The following TRIM55 variants were observed in gnomAD, a reference collection of about 807,000 sequenced individuals.
TRIM55 encodes the protein tripartite motif containing 55.
TRIM55 carries 50 observed loss-of-function variants against 60.9 expected under a neutral mutation model. The ratio of observed to expected loss-of-function variants is 0.82; its 90% CI spans 0.65 to 1.04. The LOEUF is 1.04. TRIM55 is among the 50% of genes least tolerant of loss of function. The pLI is 0.00. For synonymous variants in TRIM55, 237 were observed against 238.1 expected (o/e 1.00, Z 0.04); for missense variants, 681 against 666.9 (o/e 1.02, Z -0.23).
At chr8:66,121,844 A>AT in the TRIM55 span, among the ~76,000 whole-genome samples, 1 of 151,952 alleles carries the variant, frequency 6.6e-6, no homozygotes, top group African/African-American at 2.4e-5. Flanking sequence ...ATTTGTCTAA[A>AT]TTTTTTCTTT....
At chr8:66,117,124 T>C in the TRIM55 span, among the ~76,000 whole-genome samples, 1 of 152,154 alleles carries the variant, frequency 6.6e-6, no homozygotes, top group South Asian at 2.1e-4. Context: ...GTCAGCAAAT[T>C]TGGAGGGGAA....
intron 9 of TRIM55, 77 bp downstream of exon 9, chr8:66,154,411 A>G (rs1810626960): frequency 6.7e-7 from 1 of 1,494,638 alleles, no homozygotes; most frequent in Non-Finnish European, 9.0e-7. Flanking sequence ...AGCAAGAAGA[A>G]AAAGGGTTTT....
intron 9 of TRIM55, among the ~76,000 whole-genome samples, chr8:66,157,861 A>G (rs1460385311): frequency 6.6e-6 from 1 of 152,178 alleles, no homozygotes; most frequent in Non-Finnish European, 1.5e-5. Context: ...ACAGGCAAAA[A>G]AAACCGGTCA....
intron 9 of TRIM55, among the ~76,000 whole-genome samples, chr8:66,165,024 G>A (rs1357691041): frequency 6.6e-6 from 1 of 152,150 alleles, no homozygotes; most frequent in Non-Finnish European, 1.5e-5. Context: ...GGGTAAGGGA[G>A]GAAGGGGCTA....
the TRIM55 span, among the ~76,000 whole-genome samples, chr8:66,116,687 A>G: frequency 1.4e-5 from 1 of 70,236 alleles, no homozygotes; most frequent in Admixed American, 1.6e-4. Context: ...TCTCATAAAG[A>G]GAACACCAGC....
At chr8:66,160,564 G>A (rs183343894) in intron 9 of TRIM55, among the ~76,000 whole-genome samples, 21 of 152,228 alleles carry the variant, frequency 1.4e-4, no homozygotes, top group Admixed American at 9.8e-4. Context: ...GGATCAAATG[G>A]TAGATCTACT....
rs554956366 is a variant in TRIM55, at chr8:66,159,114, A to G, written c.1524+4780A>G. Among the ~76,000 whole-genome samples, 225 of 152,362 alleles carry G rather than the reference A, an allele frequency of 1.5e-3. 1 individual carries two copies. The Middle Eastern group carries it at 0.017, about 12-fold the overall frequency. ...AGTTTGGACAAATGTGTAGCATTGT[A>G]TAGCTACCACCACAGTTAAGATGTA... On this transcript the variant is annotated intron_variant, in intron 9 of 9. Transcript: ENST00000315962.
At chr8:66,170,188 A>T (rs1811545086) in intron 9 of TRIM55, among the ~76,000 whole-genome samples, 1 of 152,300 alleles carries the variant, frequency 6.6e-6, no homozygotes, top group Admixed American at 6.5e-5. Context: ...AATTGCTAGA[A>T]CTTTTTCATC....
At chr8:66,169,819 G>A (rs1266070453) in intron 9 of TRIM55, among the ~76,000 whole-genome samples, 1 of 152,172 alleles carries the variant, frequency 6.6e-6, no homozygotes, top group Admixed American at 6.5e-5. Context: ...CTCCATGCAA[G>A]TTCTGGGTTG....
At position 66,174,547 on chromosome 8, in the gene TRIM55, C is replaced by T. The variant is rs1339801368; in HGVS notation, c.1601C>T (p.Ala534Val). The T allele has an allele frequency of 2.5e-6, 4 of 1,609,388 alleles. No individual in the cohort carries two copies. Among genetic ancestry groups the T allele is most frequent in the Admixed American group, 1.7e-5 (1 of 58,864 alleles). Residue 534 changes from alanine to valine, a missense_variant, in exon 10 of 10, where the codon GCT becomes GTT. By Grantham distance (64) the Ala-to-Val change is moderately conservative (BLOSUM62 0). Transcript: ENST00000315962. ...ASGSGADSEP[A>V]RHIFSFSWLN... Reference sequence around the variant, plus strand: ...GGCAGTGGAGCTGATTCTGAGCCAGCTCGCCATATCTTCTCCTTTTCCTGG... The same window carrying T: ...GGCAGTGGAGCTGATTCTGAGCCAGTTCGCCATATCTTCTCCTTTTCCTGG...
rs1405100731 is a variant in TRIM55 at position 66,175,379 on chromosome 8, T to C, written c.*786T>C. On this transcript the variant is annotated 3_prime_UTR_variant, in exon 10 of 10. Coordinates refer to ENST00000315962, the MANE Select transcript of TRIM55 (RefSeq NM_184085.2). ...ATACAAACATATCACACATTAAATA[T>C]ATATATATTTAAATCATGCTTTGTT... The C allele has an allele frequency of 6.6e-6, 1 of 152,188 alleles. No individual in the cohort carries two copies. Among genetic ancestry groups the C allele is most frequent in the African/African-American group, 2.4e-5 (1 of 41,444 alleles). 9.4% of individuals were successfully genotyped at this position (152,188 alleles called of 1,614,324 possible). A position where few individuals can be genotyped will look rare whatever the true frequency, so the allele number is the denominator to read the frequency against.
chr8:66,137,010 C>A, intron 3 of TRIM55, 85 bp from the exon 4 acceptor site: 2 of 1,140,780 alleles, frequency 1.8e-6, no homozygotes, highest in South Asian at 1.5e-5. Flanking sequence ...AATTAAGAAC[C>A]TGTAAAGACA....
intron 9 of TRIM55, among the ~76,000 whole-genome samples, chr8:66,165,842 G>T (rs1433384347): frequency 1.3e-5 from 2 of 152,146 alleles, no homozygotes; most frequent in Non-Finnish European, 2.9e-5. Context: ...AAAAAAAATT[G>T]TAGGAGAGGG....
At chr8:66,164,420 A>G (rs1218153070) in intron 9 of TRIM55, among the ~76,000 whole-genome samples, 7 of 152,168 alleles carry the variant, frequency 4.6e-5, no homozygotes, top group Non-Finnish European at 8.8e-5. Flanking sequence ...GTACATTTTC[A>G]TGACATACCT....
chr8:66,137,842 A>T (rs1473990428), intron 4 of TRIM55, among the ~76,000 whole-genome samples: 1 of 152,222 alleles, frequency 6.6e-6, no homozygotes, highest in Non-Finnish European at 1.5e-5. Flanking sequence ...CCGTATAATA[A>T]ATAGAGCAAA....
At chr8:66,128,618 C>A in intron 2 of TRIM55, 142 bp downstream of exon 2, 1 of 836,124 alleles carries the variant, frequency 1.2e-6, no homozygotes, top group Non-Finnish European at 1.8e-6. Flanking sequence ...GTCAGTCCTT[C>A]CCAGTGAGAC....
intron 1 of TRIM55, 54 bp downstream of exon 1, chr8:66,127,490 C>T (rs1808875820): frequency 6.3e-7 from 1 of 1,590,060 alleles, no homozygotes; most frequent in Non-Finnish European, 8.6e-7. Flanking sequence ...ATTCCCTCCT[C>T]TTGGAATCAA....
chr8:66,137,968 A>T, intron 4 of TRIM55, among the ~76,000 whole-genome samples: 1 of 152,220 alleles, frequency 6.6e-6, no homozygotes, highest in East Asian at 1.9e-4. Flanking sequence ...TTGAAAATTC[A>T]CTGACTAGTT....
chr8:66,158,280 A>G (rs1403264328), intron 9 of TRIM55, among the ~76,000 whole-genome samples: 1 of 152,044 alleles, frequency 6.6e-6, no homozygotes, highest in East Asian at 1.9e-4. Flanking sequence ...ATATAGAACC[A>G]CAGCTCAGTA....
Sources: allele counts gnomAD v4.1 joint callset (sites outside exome capture counted in the v4.1 genomes callset), GRCh38; gene constraint gnomAD v4.1.1; transcripts MANE v1.5; gene names NCBI Gene and HGNC (gene_info 2026-07-23, HGNC 2026-07-21).